ATP10B: variants seen among roughly 807,000 people sequenced by gnomAD.
ATP10B encodes phospholipid-transporting ATPase VB.
Under a neutral mutation model 141.2 loss-of-function variants are expected in ATP10B, and 122 were observed. The observed-to-expected ratio is 0.86, with a 90% CI of 0.75 to 1.00. The LOEUF is 1.00. Ranked by LOEUF, ATP10B falls within the 50% of genes least tolerant of loss-of-function variation. ATP10B has a pLI of 0.00. For synonymous variants in ATP10B, 685 were observed against 692.0 expected, an observed-to-expected ratio of 0.99 and a Z score of 0.16; for missense variants, 1,876 against 1,825.3, an observed-to-expected ratio of 1.03 and a Z score of -0.51.
At chr5:160,602,423 A>G (rs570147045) in intron 21 of ATP10B, 154 bp downstream of exon 21, 1 of 933,194 alleles carries the variant, frequency 1.1e-6, no homozygotes, top group South Asian at 1.7e-5. Flanking sequence ...GCTCAAGGTC[A>G]CAGAGCTATT....
At chr5:160,599,860 C>G (rs890676764) in intron 21 of ATP10B, among the ~76,000 whole-genome samples, 2 of 152,174 alleles carry the variant, frequency 1.3e-5, no homozygotes, top group African/African-American at 4.8e-5. Context: ...GGAGTTAGAA[C>G]TAGAACTTCT....
Position 160,832,105 on chromosome 5 carries a change from A to G in ATP10B, c.-576+19836T>C, listed in dbSNP as rs1775121239. Among the ~76,000 whole-genome samples the G allele has an allele frequency of 3.8e-5, 5 of 133,002 alleles. No individual in the cohort carries two copies. The South Asian group carries it at 1.1e-3, about 30-fold the overall frequency. 87.3% of individuals were successfully genotyped at this position (133,002 alleles called of 152,430 possible). On this transcript the variant is annotated intron_variant, in intron 1 of 25. Coordinates refer to ENST00000327245, the MANE Select transcript of ATP10B (RefSeq NM_025153.3). ...CAAGTAATCAGAACATCCAAGCAGT[A>G]TAGCAATAATAATCATAATAATGCC... is the stretch of plus-strand genomic sequence containing the variant.
At chr5:160,672,042 T>C (rs1280731510) in intron 6 of ATP10B, among the ~76,000 whole-genome samples, 2 of 139,478 alleles carry the variant, frequency 1.4e-5, no homozygotes, top group African/African-American at 5.4e-5. Context: ...AGTCGTACGA[T>C]CTTGGCTCAC....
At chr5:160,907,936 C>T in the ATP10B span, among the ~76,000 whole-genome samples, 10 of 152,200 alleles carry the variant, frequency 6.6e-5, no homozygotes, top group Non-Finnish European at 1.5e-4. Context: ...ATCTCTCATA[C>T]TCTGCGCCTC....
chr5:160,779,788 CAAAT>C (rs781229496), intron 2 of ATP10B, among the ~76,000 whole-genome samples: 21 of 152,238 alleles, frequency 1.4e-4, no homozygotes, highest in South Asian at 4.1e-4. Flanking sequence ...CATCAATAGA[CAAAT>C]AAAGTAGCTT....
intron 7 of ATP10B, among the ~76,000 whole-genome samples, chr5:160,658,314 G>A (rs1484692076): frequency 2.6e-5 from 4 of 152,200 alleles, no homozygotes; most frequent in African/African-American, 7.2e-5. Context: ...TCAGAGTGTT[G>A]CCTAGGCAGA....
intron 11 of ATP10B, among the ~76,000 whole-genome samples, chr5:160,635,192 T>A (rs989427904): frequency 7.0e-6 from 1 of 143,346 alleles, no homozygotes; most frequent in East Asian, 2.3e-4. Flanking sequence ...TTGTAAACCA[T>A]GACCTTTGAA....
chr5:160,919,280 A>T, the ATP10B span, among the ~76,000 whole-genome samples: 1 of 148,242 alleles, frequency 6.7e-6, no homozygotes, highest in Middle Eastern at 3.2e-3. Flanking sequence ...AAACCCTTGC[A>T]TGGCATCCCT....
chr5:160,690,133 C>T (rs1258541872), intron 3 of ATP10B, among the ~76,000 whole-genome samples: 1 of 152,108 alleles, frequency 6.6e-6, no homozygotes, highest in Non-Finnish European at 1.5e-5. Flanking sequence ...ATAAATGGTG[C>T]TGGGAAAGCT....
chr5:160,908,580 A>T, the ATP10B span, among the ~76,000 whole-genome samples: 1 of 152,134 alleles, frequency 6.6e-6, no homozygotes, highest in East Asian at 1.9e-4. Context: ...TCTTCTACAG[A>T]TATCTCATCT....
At position 160,657,025 on chromosome 5, in the gene ATP10B, A is replaced by G. The variant is rs138069112; in HGVS notation, c.676-7769T>C. Reference sequence around the variant, plus strand: ...AGGAGAGCCACCACAACCTGGGGATAAGGATAGCAAAATGGCGGCACTGAC... The same window carrying G: ...AGGAGAGCCACCACAACCTGGGGATGAGGATAGCAAAATGGCGGCACTGAC... On this transcript the variant is annotated intron_variant, in intron 7 of 25. Coordinates refer to ENST00000327245, the MANE Select transcript of ATP10B (RefSeq NM_025153.3). Among the ~76,000 whole-genome samples the G allele has an allele frequency of 2.3e-3, 347 of 152,284 alleles. 1 individual carries two copies. Among genetic ancestry groups the G allele is most frequent in the Non-Finnish European group, 3.0e-3 (207 of 68,008 alleles).
At chr5:160,813,736 TAGGGGC>T (rs1312954278) in intron 1 of ATP10B, among the ~76,000 whole-genome samples, 1 of 152,094 alleles carries the variant, frequency 6.6e-6, no homozygotes, top group Non-Finnish European at 1.5e-5. Flanking sequence ...CACCCCCCAG[TAGGGGC>T]AGACTGACAC....
chr5:160,843,624 C>T (rs1581641058), intron 1 of ATP10B, among the ~76,000 whole-genome samples: 1 of 151,934 alleles, frequency 6.6e-6, no homozygotes, highest in South Asian at 2.1e-4. Flanking sequence ...GAGATTTCCC[C>T]AAATTTGACA....
intron 7 of ATP10B, among the ~76,000 whole-genome samples, chr5:160,666,111 C>A (rs1307805522): frequency 1.3e-5 from 2 of 152,018 alleles, no homozygotes; most frequent in African/African-American, 4.8e-5. Context: ...TAAAAAGTAC[C>A]TAGATGGTAG....
At chr5:160,816,005 T>C (rs967804891) in intron 1 of ATP10B, among the ~76,000 whole-genome samples, 5 of 151,654 alleles carry the variant, frequency 3.3e-5, no homozygotes, top group African/African-American at 1.2e-4. Flanking sequence ...TGGGACACAT[T>C]TAAAGCAGTG....
intron 20 of ATP10B, 159 bp from the exon 21 acceptor site, chr5:160,602,861 C>G: frequency 1.2e-6 from 1 of 830,368 alleles, no homozygotes; most frequent in Non-Finnish European, 1.8e-6. Flanking sequence ...ATTCTGACAC[C>G]CCACCCTCCC....
At chr5:160,763,484 G>C (rs67517201) in intron 2 of ATP10B, among the ~76,000 whole-genome samples, 47,866 of 151,984 alleles carry the variant, frequency 0.31, 7,890 homozygotes, top group Non-Finnish European at 0.36. Context: ...ACGAAATTAA[G>C]ATGGAAATTA....
At chr5:160,857,965 T>C in the ATP10B span, among the ~76,000 whole-genome samples, 1 of 151,982 alleles carries the variant, frequency 6.6e-6, no homozygotes, top group Non-Finnish European at 1.5e-5. Context: ...TTAAAGAGAA[T>C]GAATATTCTA....
At chr5:160,750,523 C>T (rs1768081737) in intron 2 of ATP10B, among the ~76,000 whole-genome samples, 2 of 152,178 alleles carry the variant, frequency 1.3e-5, no homozygotes, top group Admixed American at 6.5e-5. Flanking sequence ...ATACACATTG[C>T]TTAATCCCCA....
Sources: gnomAD v4.1 joint callset for allele counts (sites outside exome capture counted in the v4.1 genomes callset) on GRCh38, gnomAD v4.1.1 for gene constraint, MANE v1.5 for transcripts, NCBI Gene and HGNC (gene_info 2026-07-23, HGNC 2026-07-21) for gene names.